EPHB1: variants seen among roughly 807,000 people sequenced by gnomAD.
The protein encoded by EPHB1 is ephrin type-B receptor 1.
A neutral mutation model predicts 94.4 loss-of-function variants in EPHB1; 30 were observed. That is an observed-to-expected ratio of 0.32 (90% CI 0.24 to 0.43). The LOEUF is 0.43. Ranked by LOEUF, EPHB1 falls within the 20% of genes least tolerant of loss-of-function variation. The pLI, the probability that EPHB1 is intolerant of heterozygous loss-of-function variation, is 1.00. For synonymous variants in EPHB1, 522 were observed against 489.1 expected, an observed-to-expected ratio of 1.07 and a Z score of -0.89; for missense variants, 1,055 against 1,308.3, an observed-to-expected ratio of 0.81 and a Z score of 2.99.
chr3:134,796,382 G>T (rs2035827568), intron 1 of EPHB1: 1 of 153,174 alleles, frequency 6.5e-6, no homozygotes, highest in African/African-American at 2.4e-5. Context: ...CTTGGAACAG[G>T]AGTGGGCTGG....
intron 1 of EPHB1, among the ~76,000 whole-genome samples, chr3:134,922,686 G>A (rs1341777821): frequency 2.6e-5 from 4 of 152,154 alleles, no homozygotes; most frequent in Non-Finnish European, 5.9e-5. Context: ...TGTTGGGGTG[G>A]GGGATGCATT....
intron 3 of EPHB1, among the ~76,000 whole-genome samples, chr3:134,991,567 G>A (rs956109354): frequency 1.3e-5 from 2 of 152,134 alleles, no homozygotes; most frequent in African/African-American, 4.8e-5. Flanking sequence ...AGATAAAGGG[G>A]TCTAGAGGAA....
intron 3 of EPHB1, among the ~76,000 whole-genome samples, chr3:134,987,315 G>T (rs1484306376): frequency 2.0e-5 from 3 of 152,082 alleles, no homozygotes; most frequent in African/African-American, 7.2e-5. Context: ...AGCCCTGTAG[G>T]GCCTAAGGCT....
chr3:134,892,137 G>A (rs935984006), intron 1 of EPHB1, among the ~76,000 whole-genome samples: 2 of 152,256 alleles, frequency 1.3e-5, no homozygotes, highest in Non-Finnish European at 2.9e-5. Context: ...ACTTGGATGT[G>A]AGAATGTACT....
At chr3:134,850,484 G>A (rs983074992) in intron 1 of EPHB1, among the ~76,000 whole-genome samples, 1 of 152,166 alleles carries the variant, frequency 6.6e-6, no homozygotes. Flanking sequence ...ATTCTCTCCC[G>A]GCCTGAGGGA....
At chr3:135,103,124 C>T (rs1177426674) in intron 3 of EPHB1, among the ~76,000 whole-genome samples, 3 of 151,340 alleles carry the variant, frequency 2.0e-5, no homozygotes, top group Admixed American at 6.6e-5. Flanking sequence ...CACATGTATC[C>T]CACAACTTAA....
intron 3 of EPHB1, among the ~76,000 whole-genome samples, chr3:135,034,561 G>A (rs745595041): frequency 3.9e-5 from 6 of 152,248 alleles, no homozygotes; most frequent in Non-Finnish European, 8.8e-5. Context: ...AACCCATGCA[G>A]GAAACTGGAC....
In EPHB1 at chr3:135,259,825, A is replaced by G. The variant is rs191915183; in HGVS notation, c.*705A>G. 4 of 221,962 alleles carry G rather than the reference A, an allele frequency of 1.8e-5. No homozygotes were observed. The East Asian group carries it at 2.6e-4, about 15-fold the overall frequency. 13.7% of individuals were successfully genotyped at this position (221,962 alleles called of 1,614,324 possible). A position where few individuals can be genotyped will look rare whatever the true frequency, so the allele number is the denominator to read the frequency against. Reference sequence around the variant, plus strand: ...CACAAATTGGGGAAAAAAAAAGAAGAAAAACCTGTTTCCGTGTGCAAAAGC... The same window carrying G: ...CACAAATTGGGGAAAAAAAAAGAAGGAAAACCTGTTTCCGTGTGCAAAAGC... On this transcript the variant is annotated 3_prime_UTR_variant, in exon 16 of 16. Transcript: ENST00000398015.
intron 1 of EPHB1, among the ~76,000 whole-genome samples, chr3:134,806,969 G>A (rs988813094): frequency 2.0e-5 from 3 of 152,202 alleles, no homozygotes; most frequent in African/African-American, 7.2e-5. Context: ...GTGAATACTC[G>A]AAGGGCATTC....
intron 12 of EPHB1, among the ~76,000 whole-genome samples, chr3:135,214,816 G>T (rs1178588346): frequency 6.6e-6 from 1 of 152,136 alleles, no homozygotes; most frequent in African/African-American, 2.4e-5. Context: ...TGATCCCTGT[G>T]TTCAGCAATG....
At chr3:134,997,905 CAAAATGG>C (rs1238557056) in intron 3 of EPHB1, among the ~76,000 whole-genome samples, 1 of 152,164 alleles carries the variant, frequency 6.6e-6, no homozygotes, top group Admixed American at 6.6e-5. Context: ...CTATTTTAAG[CAAAATGG>C]ACTTTGCTGA....
chr3:134,799,333 A>G (rs1431443006), intron 1 of EPHB1, among the ~76,000 whole-genome samples: 1 of 152,236 alleles, frequency 6.6e-6, no homozygotes, highest in Non-Finnish European at 1.5e-5. Context: ...TTTGGTGTCC[A>G]TGAACGTGCT....
At chr3:135,160,916 A>T (rs772211517) in intron 6 of EPHB1, among the ~76,000 whole-genome samples, 4 of 152,150 alleles carry the variant, frequency 2.6e-5, no homozygotes, top group Non-Finnish European at 5.9e-5. Flanking sequence ...GCTGGCAAAG[A>T]TGTGGTCCCC....
At chr3:135,210,686 C>T (rs527500759) in intron 12 of EPHB1, among the ~76,000 whole-genome samples, 13 of 152,334 alleles carry the variant, frequency 8.5e-5, no homozygotes, top group East Asian at 3.9e-4. Context: ...AGCCACACAG[C>T]GTGCTATTGC....
intron 1 of EPHB1, among the ~76,000 whole-genome samples, chr3:134,854,525 G>C (rs1560264816): frequency 2.0e-5 from 3 of 152,226 alleles, no homozygotes; most frequent in East Asian, 1.9e-4. Flanking sequence ...GGTGTTTACT[G>C]TGAGGGTGTC....
chr3:135,166,767 G>A (rs1266047143), intron 8 of EPHB1, among the ~76,000 whole-genome samples, 175 bp from the exon 9 acceptor site: 1 of 152,236 alleles, frequency 6.6e-6, no homozygotes, highest in Non-Finnish European at 1.5e-5. Context: ...GGAGTGAGTG[G>A]TGGTCAACAA....
In EPHB1 at chr3:134,846,260, T is replaced by C. The variant is rs1044666965; in HGVS notation, c.58+50571T>C. Among the ~76,000 whole-genome samples, 9 of 152,176 alleles carry C rather than the reference T, an allele frequency of 5.9e-5. No individual in the cohort carries two copies. In the South Asian group the frequency reaches 1.2e-3, roughly 21 times the overall value. On this transcript the variant is annotated intron_variant, in intron 1 of 15. Transcript: ENST00000398015. ...GCAAATACAGACCCATTTTAGAAGT[T>C]GAGTGCTCGGTGTTGTGGCCGAACA...
chr3:134,819,856 C>T (rs2036348087), intron 1 of EPHB1, among the ~76,000 whole-genome samples: 1 of 152,206 alleles, frequency 6.6e-6, no homozygotes, highest in Non-Finnish European at 1.5e-5. Flanking sequence ...TCCCATACTT[C>T]TTGCTCTTCT....
chr3:134,906,172 T>C (rs2038323189), intron 1 of EPHB1, among the ~76,000 whole-genome samples: 1 of 152,242 alleles, frequency 6.6e-6, no homozygotes, highest in Admixed American at 6.5e-5. Context: ...ATGTTTATTC[T>C]GTTTCCCTTT....
Sources: allele counts gnomAD v4.1 joint callset (sites outside exome capture counted in the v4.1 genomes callset), GRCh38; gene constraint gnomAD v4.1.1; transcripts MANE v1.5; gene names NCBI Gene and HGNC (gene_info 2026-07-23, HGNC 2026-07-21).